Variants in ZNF804A observed in about 807,000 individuals in gnomAD.
ZNF804A encodes zinc finger protein 804A.
In ZNF804A, 2 loss-of-function variants were observed where a neutral mutation model predicts 16.5. The observed-to-expected ratio is 0.12, with a 90% CI of 0.05 to 0.38. The LOEUF is 0.38. Ranked by LOEUF, ZNF804A falls within the 10% of genes least tolerant of loss-of-function variation. ZNF804A has a pLI of 0.99. For missense variants in ZNF804A, 1,473 were observed against 1,390.7 expected (o/e 1.06, Z -0.94); for synonymous variants, 534 against 489.6 (o/e 1.09, Z -1.20).
chr2:184,708,525 TCAA>T lies in ZNF804A; in HGVS notation c.111+109459_111+109461del, dbSNP rs143835462. The stretch of plus-strand genomic sequence containing the variant: ...TACAGCCTTCTGATCTTCAACAGAG[TCAA>T]CAAAAATAAGCAATGAGGAAAGGAC... On this transcript the variant is annotated intron_variant, in intron 1 of 3. Transcript: ENST00000302277. Among the ~76,000 whole-genome samples the T allele has an allele frequency of 7.5e-3, 1,131 of 151,694 alleles. 21 individuals carry two copies. The highest frequency in any genetic ancestry group is 0.026 in the African/African-American group (1,074 of 41,344).
chr2:184,689,513 T>A (rs1331168613), intron 1 of ZNF804A, among the ~76,000 whole-genome samples: 1 of 152,060 alleles, frequency 6.6e-6, no homozygotes, highest in Non-Finnish European at 1.5e-5. Context: ...GGTAAGAACA[T>A]ATATTTGAAA....
intron 1 of ZNF804A, among the ~76,000 whole-genome samples, chr2:184,658,133 G>A (rs1053060591): frequency 2.6e-5 from 4 of 152,098 alleles, no homozygotes; most frequent in African/African-American, 7.2e-5. Flanking sequence ...TAGACAAATG[G>A]CACACAGATT....
chr2:184,834,003 A>G (rs1463263683), intron 1 of ZNF804A, among the ~76,000 whole-genome samples: 3 of 151,580 alleles, frequency 2.0e-5, no homozygotes, highest in African/African-American at 2.4e-5. Flanking sequence ...TCAATTTTAT[A>G]TTAAACTTCC....
At chr2:184,661,018 T>C (rs1692168258) in intron 1 of ZNF804A, among the ~76,000 whole-genome samples, 1 of 152,240 alleles carries the variant, frequency 6.6e-6, no homozygotes, top group African/African-American at 2.4e-5. Context: ...AAGTTTTCAT[T>C]CAAATTTATA....
chr2:184,691,221 A>G (rs1239661295), intron 1 of ZNF804A, among the ~76,000 whole-genome samples: 1 of 151,976 alleles, frequency 6.6e-6, no homozygotes, highest in Non-Finnish European at 1.5e-5. Flanking sequence ...AGAAGAAAAT[A>G]GAATTTTGCT....
intron 1 of ZNF804A, among the ~76,000 whole-genome samples, chr2:184,811,081 T>C (rs1391655935): frequency 6.6e-6 from 1 of 152,190 alleles, no homozygotes; most frequent in Non-Finnish European, 1.5e-5. Flanking sequence ...ACTGAGGTGT[T>C]ACAAATTTGC....
At chr2:184,859,501 C>T (rs1186970606) in intron 1 of ZNF804A, among the ~76,000 whole-genome samples, 1 of 151,438 alleles carries the variant, frequency 6.6e-6, no homozygotes, top group Admixed American at 6.6e-5. Context: ...TATTGTCTTC[C>T]TCATTTTATT....
intron 2 of ZNF804A, among the ~76,000 whole-genome samples, chr2:184,877,532 C>A (rs982360299): frequency 1.3e-5 from 2 of 151,824 alleles, no homozygotes; most frequent in African/African-American, 4.8e-5. Flanking sequence ...ATTTAAAATT[C>A]TCCTGGCACC....
rs1056203447 is a variant in ZNF804A at position 184,691,539 on chromosome 2, A to G, written c.111+92469A>G. On this transcript the variant is annotated intron_variant, in intron 1 of 3. Transcript: ENST00000302277. Reference sequence around the variant, plus strand: ...TTTACAAAAGTGAATCTATACATAAACCTTTATGTAAATAGACATCAGCAC... The same window carrying G: ...TTTACAAAAGTGAATCTATACATAAGCCTTTATGTAAATAGACATCAGCAC... Among the ~76,000 whole-genome samples, 5 of 151,714 alleles carry G rather than the reference A, an allele frequency of 3.3e-5. No individual in the cohort carries two copies. In the East Asian group the frequency reaches 9.6e-4, roughly 29 times the overall value.
intron 1 of ZNF804A, among the ~76,000 whole-genome samples, chr2:184,632,482 G>A (rs551796305): frequency 4.6e-5 from 7 of 152,116 alleles, no homozygotes; most frequent in Non-Finnish European, 5.9e-5. Flanking sequence ...TGCAAGCTCC[G>A]TCTCCTGGGT....
intron 1 of ZNF804A, among the ~76,000 whole-genome samples, chr2:184,787,805 CTGTT>C (rs1269903432): frequency 6.7e-6 from 1 of 148,456 alleles, no homozygotes; most frequent in South Asian, 2.1e-4. Flanking sequence ...TGTAGGTTGT[CTGTT>C]TATTATTTCT....
At position 184,773,868 on chromosome 2, in the gene ZNF804A, G is replaced by T. The variant is rs943614997; in HGVS notation, c.112-92501G>T. Reference sequence around the variant, plus strand: ...AAGCTAGTATCAAACAGCAAGAGGGGAGCCAACAGAAAACACCATATTGAA... The same window carrying T: ...AAGCTAGTATCAAACAGCAAGAGGGTAGCCAACAGAAAACACCATATTGAA... On this transcript the variant is annotated intron_variant, in intron 1 of 3. Coordinates refer to ENST00000302277, the MANE Select transcript of ZNF804A (RefSeq NM_194250.2). Among the ~76,000 whole-genome samples the T allele has an allele frequency of 2.6e-5, 4 of 151,758 alleles. No individual in the cohort carries two copies. In the South Asian group the frequency reaches 6.2e-4, roughly 24 times the overall value.
chr2:184,910,617 C>G (rs1216782054), intron 2 of ZNF804A, among the ~76,000 whole-genome samples: 1 of 152,044 alleles, frequency 6.6e-6, no homozygotes, highest in African/African-American at 2.4e-5. Flanking sequence ...TCTCTTTTCT[C>G]CACAGCCTTG....
chr2:184,903,877 T>C (rs1685228536), intron 2 of ZNF804A, among the ~76,000 whole-genome samples: 1 of 152,092 alleles, frequency 6.6e-6, no homozygotes, highest in Non-Finnish European at 1.5e-5. Context: ...CTTTTGTGCA[T>C]GTGACCACTT....
intron 1 of ZNF804A, among the ~76,000 whole-genome samples, chr2:184,636,475 G>A (rs1379591455): frequency 7.1e-6 from 1 of 140,446 alleles, no homozygotes. Context: ...GAGAGAGAGA[G>A]AGGTAAATAT....
chr2:184,740,519 T>A (rs557457352), intron 1 of ZNF804A, among the ~76,000 whole-genome samples: 34 of 152,300 alleles, frequency 2.2e-4, no homozygotes, highest in Non-Finnish European at 2.5e-4. Context: ...CATAGATTTA[T>A]TAGTTTTTTC....
intron 2 of ZNF804A, among the ~76,000 whole-genome samples, chr2:184,894,308 A>G (rs1011425286): frequency 3.9e-5 from 6 of 152,292 alleles, no homozygotes; most frequent in Middle Eastern, 3.4e-3. Flanking sequence ...TCATATTACT[A>G]CATATACACC....
intron 1 of ZNF804A, among the ~76,000 whole-genome samples, chr2:184,730,685 A>T (rs1056232005): frequency 6.6e-6 from 1 of 152,000 alleles, no homozygotes; most frequent in Non-Finnish European, 1.5e-5. Context: ...TTTCCTCCAT[A>T]TCTTCTTGTG....
At chr2:184,893,336 T>A (rs1685016515) in intron 2 of ZNF804A, among the ~76,000 whole-genome samples, 1 of 151,994 alleles carries the variant, frequency 6.6e-6, no homozygotes, top group Non-Finnish European at 1.5e-5. Context: ...ATCTATTCAG[T>A]TGTTGTTTTA....
Sources: gnomAD v4.1 joint callset for allele counts (sites outside exome capture counted in the v4.1 genomes callset) on GRCh38, gnomAD v4.1.1 for gene constraint, MANE v1.5 for transcripts, NCBI Gene and HGNC (gene_info 2026-07-23, HGNC 2026-07-21) for gene names.